The following TTC17 variants were observed in gnomAD, a reference collection of about 807,000 sequenced individuals.
The protein encoded by TTC17 is tetratricopeptide repeat protein 17.
Under a neutral mutation model 143.8 loss-of-function variants are expected in TTC17, and 58 were observed. That is an observed-to-expected ratio of 0.40 (90% CI 0.33 to 0.50). TTC17 has a LOEUF of 0.50. Among genes scored for constraint, TTC17 ranks in the 20% least tolerant of loss-of-function variants. The pLI is 0.49. For missense variants in TTC17, 1,273 were observed against 1,392.5 expected (o/e 0.91, Z 1.37); for synonymous variants, 501 against 497.8 (o/e 1.01, Z -0.09).
chr11:43,492,110 G>A lies in TTC17; in HGVS notation c.3241G>A (p.Ala1081Thr), dbSNP rs866567516. Residue 1081 changes from alanine (A) to threonine (T), a missense_variant, in exon 23 of 24, where the codon GCA becomes ACA. By Grantham distance (58) the Ala-to-Thr change is moderately conservative. Coordinates refer to ENST00000039989, the MANE Select transcript of TTC17 (RefSeq NM_018259.6). ...AGTAGCCACCATGGCAGTAGAGATC[G>A]CACCACACTTTGCTGTGAACCACTT... ...VIVATMAVEI[A>T]PHFAVNHFTL... The A allele has an allele frequency of 7.4e-6, 12 of 1,613,948 alleles. No individual in the cohort carries two copies. Among genetic ancestry groups the A allele is most frequent in the African/African-American group, 2.7e-5 (2 of 74,892 alleles).
chr11:43,401,985 A>AAATAAATG (rs1159927404), intron 10 of TTC17, among the ~76,000 whole-genome samples: 29 of 14,464 alleles, frequency 2.0e-3, no homozygotes, highest in African/African-American at 4.9e-3. Flanking sequence ...CTCAAAAAAT[A>AAATAAATG]AATAAATAAA....
At chr11:43,451,717 T>C (rs910675637) in intron 21 of TTC17, among the ~76,000 whole-genome samples, 5 of 152,210 alleles carry the variant, frequency 3.3e-5, no homozygotes, top group African/African-American at 1.2e-4. Context: ...GAAAATATCA[T>C]TGAGAGGTTC....
chr11:43,443,070 G>A (rs1197401279), intron 16 of TTC17, among the ~76,000 whole-genome samples: 2 of 152,118 alleles, frequency 1.3e-5, no homozygotes, highest in South Asian at 2.1e-4. Flanking sequence ...CCCCATGCTC[G>A]CTAATAACAG....
intron 21 of TTC17, 43 bp downstream of exon 21, chr11:43,451,308 C>T: frequency 6.4e-7 from 1 of 1,570,510 alleles, no homozygotes; most frequent in Non-Finnish European, 8.8e-7. Flanking sequence ...TGCCCTCCTT[C>T]TAACTTCTTT....
intron 7 of TTC17, 45 bp from the exon 8 acceptor site, chr11:43,397,926 GTGT>G (rs1857677634): frequency 7.5e-7 from 1 of 1,327,750 alleles, no homozygotes; most frequent in African/African-American, 1.5e-5. Flanking sequence ...GTGTGTGTGT[GTGT>G]GTGTGTGTGT....
At chr11:43,445,881 C>G (rs1231543517) in intron 18 of TTC17, 2 of 849,674 alleles carry the variant, frequency 2.4e-6, no homozygotes, top group East Asian at 2.6e-5. Flanking sequence ...TGTAGATTTT[C>G]TAAGAACTAA....
At position 43,389,640 on chromosome 11, in the gene TTC17, T is replaced by G; in HGVS notation, c.250-12T>G. 6.3e-7 allele frequency: 1 copy of G among 1,599,512 alleles called. No individual in the cohort carries two copies. The highest frequency in any genetic ancestry group is 8.5e-7 in the Non-Finnish European group (1 of 1,174,870). On this transcript the variant is annotated splice_polypyrimidine_tract_variant and intron_variant, in intron 2 of 23. Coordinates refer to ENST00000039989, the MANE Select transcript of TTC17 (RefSeq NM_018259.6). ...AGAAGAATCCATTCTGTTCTTACTT[T>G]CTTCTCAACAGAAACAATTAGTTGC... is the stretch of plus-strand genomic sequence containing the variant.
chr11:43,450,153 T>C lies in TTC17; in HGVS notation c.2858T>C (p.Leu953Pro). ...ATGGAGCCTCTTTGCAATGGCAATC[T>C]CCCCACGAGTATGCATACCCTGGAC... ...PAMEPLCNGN[L>P]PTSMHTLDHL... Residue 953 changes from leucine to proline, a missense_variant, in exon 20 of 24, where the codon CTC becomes CCC. By Grantham distance (98) the Leu-to-Pro change is moderately conservative (BLOSUM62 -3). Around this residue, in one of 3 missense-constraint regions of TTC17, gnomAD observed 878 missense variants for 899.8 expected, o/e 0.98. Transcript: ENST00000039989. 1 of 1,614,138 alleles carries C rather than the reference T, an allele frequency of 6.2e-7. No homozygotes were observed. Among genetic ancestry groups the C allele is most frequent in the Non-Finnish European group, 8.5e-7 (1 of 1,180,030 alleles).
At chr11:43,461,179 T>C (rs1410204925) in intron 21 of TTC17, among the ~76,000 whole-genome samples, 2 of 151,568 alleles carry the variant, frequency 1.3e-5, no homozygotes, top group African/African-American at 4.8e-5. Context: ...GGTCAGGAGA[T>C]TGAGACCGTC....
intron 2 of TTC17, among the ~76,000 whole-genome samples, chr11:43,382,646 T>A (rs7108214): frequency 0.58 from 87,731 of 152,048 alleles, 26,460 homozygotes; most frequent in African/African-American, 0.73. Context: ...TTCCTTTGTC[T>A]TTCTCTTACA....
intron 1 of TTC17, among the ~76,000 whole-genome samples, chr11:43,363,317 G>T (rs1856191532): frequency 6.6e-6 from 1 of 152,172 alleles, no homozygotes; most frequent in Non-Finnish European, 1.5e-5. Context: ...TTGCATCAAA[G>T]GTTAAACTTG....
At chr11:43,438,498 CTT>C (rs111679018) in intron 16 of TTC17, among the ~76,000 whole-genome samples, 2,158 of 152,278 alleles carry the variant, frequency 0.014, 26 homozygotes, top group Middle Eastern at 0.034. Context: ...TTAGAATACT[CTT>C]TCTCTTTTGT....
chr11:43,437,912 C>T (rs534441302), intron 16 of TTC17, among the ~76,000 whole-genome samples: 5 of 152,316 alleles, frequency 3.3e-5, no homozygotes, highest in African/African-American at 4.8e-5. Flanking sequence ...AAAGGAAGAA[C>T]GCCACTGGTG....
chr11:43,409,477 A>G (rs1858302842), intron 15 of TTC17, among the ~76,000 whole-genome samples: 1 of 152,228 alleles, frequency 6.6e-6, no homozygotes, highest in Non-Finnish European at 1.5e-5. Context: ...ATTAGAATTG[A>G]ACAACTGAAA....
chr11:43,403,515 T>A (rs930323710), intron 10 of TTC17, among the ~76,000 whole-genome samples: 1 of 152,182 alleles, frequency 6.6e-6, no homozygotes, highest in Non-Finnish European at 1.5e-5. Context: ...CCTTTCACCC[T>A]CAAAACTTTT....
intron 16 of TTC17, among the ~76,000 whole-genome samples, chr11:43,432,803 G>C (rs920178941): frequency 6.6e-6 from 1 of 152,078 alleles, no homozygotes; most frequent in Non-Finnish European, 1.5e-5. Context: ...GTTCCCCTTT[G>C]AGCTGGAGCA....
chr11:43,380,349 C>T (rs961993486), intron 2 of TTC17, among the ~76,000 whole-genome samples: 8 of 152,150 alleles, frequency 5.3e-5, no homozygotes, highest in Admixed American at 3.9e-4. Flanking sequence ...TCCACCTCCC[C>T]GGTTCAAGCC....
intron 16 of TTC17, among the ~76,000 whole-genome samples, chr11:43,421,792 G>A (rs977501732): frequency 2.0e-5 from 3 of 150,410 alleles, no homozygotes; most frequent in African/African-American, 4.9e-5. Flanking sequence ...ATGTAATAAC[G>A]AAGTGCACAA....
At chr11:43,384,282 A>G (rs568286679) in intron 2 of TTC17, among the ~76,000 whole-genome samples, 1 of 152,340 alleles carries the variant, frequency 6.6e-6, no homozygotes, top group Admixed American at 6.5e-5. Flanking sequence ...GTATTTATAC[A>G]AGTTCACAGT....
Sources: allele counts gnomAD v4.1 joint callset (sites outside exome capture counted in the v4.1 genomes callset), GRCh38; gene constraint gnomAD v4.1.1; regional missense constraint gnomAD v4.1.1; transcripts MANE v1.5; gene names NCBI Gene and HGNC (gene_info 2026-07-23, HGNC 2026-07-21).